The following ABI3BP variants were observed in gnomAD, a reference collection of about 807,000 sequenced individuals.
The protein encoded by ABI3BP is ABI family member 3 binding protein.
ABI3BP carries 216 observed loss-of-function variants against 268.6 expected under a neutral mutation model. That is an observed-to-expected ratio of 0.80 (90% confidence interval 0.72 to 0.90). ABI3BP has a LOEUF of 0.90. Ranked by LOEUF, ABI3BP falls within the 40% of genes least tolerant of loss-of-function variation. ABI3BP has a pLI of 0.00. For synonymous variants in ABI3BP, 730 were observed against 730.0 expected, an observed-to-expected ratio of 1.00 and a Z score of 0.00; for missense variants, 2,090 against 2,182.4, an observed-to-expected ratio of 0.96 and a Z score of 0.84.
At chr3:100,783,740 G>A (rs554871379) in intron 57 of ABI3BP, among the ~76,000 whole-genome samples, 1 of 152,318 alleles carries the variant, frequency 6.6e-6, no homozygotes, top group South Asian at 2.1e-4. Context: ...TACTGTATAA[G>A]TACCTTTGTA....
chr3:100,811,858 G>C, intron 46 of ABI3BP, 59 bp from the exon 47 acceptor site: 1 of 1,167,462 alleles, frequency 8.6e-7, no homozygotes, highest in Non-Finnish European at 1.2e-6. Context: ...CACTGTAATA[G>C]AACCCTGCAT....
At position 100,821,037 on chromosome 3, in the gene ABI3BP, T is replaced by G; in HGVS notation, c.2947+17A>C. On this transcript the variant is annotated intron_variant, in intron 39 of 67. Transcript: ENST00000471714. ...GAGAAGGAAGAACACTTAATGAGGA[T>G]TGCAACGTGCTATTACCTTGTGTTG... The G allele has an allele frequency of 6.5e-7, 1 of 1,532,390 alleles. No homozygotes were observed. The highest frequency in any genetic ancestry group is 2.4e-5 in the East Asian group (1 of 40,864). The allele number at this position is 1,532,390 out of a possible 1,614,324, so 94.9% of individuals were successfully genotyped here. A position where few individuals can be genotyped will look rare whatever the true frequency, so the allele number is the denominator to read the frequency against.
chr3:100,894,962 A>AAAAC (rs2046857253), intron 4 of ABI3BP, among the ~76,000 whole-genome samples: 1 of 144,476 alleles, frequency 6.9e-6, no homozygotes, highest in Admixed American at 7.0e-5. Context: ...AAAAAAAAAA[A>AAAAC]AAAAACAGAA....
chr3:100,820,155 G>T, intron 40 of ABI3BP, 65 bp downstream of exon 40: 2 of 1,349,310 alleles, frequency 1.5e-6, no homozygotes, highest in Non-Finnish European at 2.0e-6. Context: ...TCCCATCATT[G>T]GCATCAGTTA....
chr3:100,943,354 C>T (rs947352698), intron 1 of ABI3BP, among the ~76,000 whole-genome samples: 1 of 152,030 alleles, frequency 6.6e-6, no homozygotes, highest in African/African-American at 2.4e-5. Flanking sequence ...CCCCCAAACA[C>T]TTCAGTATGC....
chr3:100,904,339 T>G (rs918473086), intron 2 of ABI3BP, among the ~76,000 whole-genome samples: 1 of 152,140 alleles, frequency 6.6e-6, no homozygotes, highest in Non-Finnish European at 1.5e-5. Flanking sequence ...ATCTTTGAAC[T>G]TGTGTTTTGC....
At chr3:100,863,775 T>C in intron 12 of ABI3BP, 1 of 494,598 alleles carries the variant, frequency 2.0e-6, no homozygotes, top group Non-Finnish European at 3.6e-6. Context: ...ATATTGATTC[T>C]GAATTAAAAG....
chr3:100,899,618 G>GCA (rs1232460727), intron 3 of ABI3BP, among the ~76,000 whole-genome samples: 1 of 152,112 alleles, frequency 6.6e-6, no homozygotes, highest in Non-Finnish European at 1.5e-5. Context: ...GCAGGCACTT[G>GCA]CACTTTCAAA....
At chr3:100,844,679 A>G (rs80066752) in intron 20 of ABI3BP, among the ~76,000 whole-genome samples, 2,334 of 152,282 alleles carry the variant, frequency 0.015, 97 homozygotes, top group East Asian at 0.15. Context: ...GTTTGCGGAG[A>G]TCCAGTCATC....
At chr3:100,839,923 A>T (rs1268926025) in intron 23 of ABI3BP, 149 bp downstream of exon 23, 1 of 618,594 alleles carries the variant, frequency 1.6e-6, no homozygotes, top group Non-Finnish European at 2.7e-6. Flanking sequence ...TACATATATA[A>T]AATGAATATA....
Position 100,916,342 on chromosome 3 carries a change from G to A in ABI3BP, c.259+9960C>T, listed in dbSNP as rs147737585. 3.0e-4 allele frequency among the ~76,000 whole-genome samples: 45 copies of A among 152,290 alleles called. No individual in the cohort carries two copies. In the East Asian group the frequency reaches 8.3e-3, roughly 28 times the overall value. On this transcript the variant is annotated intron_variant, in intron 2 of 67. Coordinates refer to ENST00000471714, the MANE Select transcript of ABI3BP (RefSeq NM_001375547.2). The stretch of plus-strand genomic sequence containing the variant: ...CAAAGGTTTTTCTTCCTTTTCAAAT[G>A]TTCTTGTCAGCTTTTCCATGTAGGA...
At chr3:100,962,358 C>G (rs1394616695) in intron 1 of ABI3BP, among the ~76,000 whole-genome samples, 1 of 152,308 alleles carries the variant, frequency 6.6e-6, no homozygotes, top group East Asian at 1.9e-4. Context: ...CTTATTCATT[C>G]TCCTTTTTTC....
At chr3:100,945,371 G>A (rs1284928298) in intron 1 of ABI3BP, among the ~76,000 whole-genome samples, 1 of 151,960 alleles carries the variant, frequency 6.6e-6, no homozygotes, top group Non-Finnish European at 1.5e-5. Flanking sequence ...TAAGTATACA[G>A]CTCAATGATT....
In ABI3BP at chr3:100,838,426, G is replaced by C; in HGVS notation, c.1984C>G (p.Pro662Ala). Residue 662 changes from proline (P) to alanine (A), a missense_variant, in exon 25 of 68, where the codon CCA becomes GCA. Physicochemically the swap from Pro to Ala is conservative, Grantham distance 27. Coordinates refer to ENST00000471714, the MANE Select transcript of ABI3BP (RefSeq NM_001375547.2). ...PSERPKTTHRPDAPQIQPGSK... is the reference protein window; with the variant it reads ...PSERPKTTHRADAPQIQPGSK... ...CCAGGCTGAATTTGAGGTGCATCTG[G>C]TCTGTGTGTGGTTTTAGGTCTCTCA... is the stretch of plus-strand genomic sequence containing the variant. The C allele has an allele frequency of 2.0e-6, 3 of 1,535,812 alleles. No homozygotes were observed. The highest frequency in any genetic ancestry group is 2.6e-6 in the Non-Finnish European group (3 of 1,146,706).
chr3:100,851,234 C>A (rs376368180), intron 15 of ABI3BP, among the ~76,000 whole-genome samples: 3 of 152,160 alleles, frequency 2.0e-5, no homozygotes, highest in South Asian at 2.1e-4. Context: ...AAGGAGCTGT[C>A]GGACTGAGGT....
Position 100,749,537 on chromosome 3 carries a change from A to AGAT in ABI3BP, c.*955_*957dup, listed in dbSNP as rs1278693577. The AGAT allele has an allele frequency of 1.8e-5, 7 of 392,960 alleles. No homozygotes were observed. In the East Asian group the frequency reaches 2.5e-4, roughly 14 times the overall value. 24.3% of individuals were successfully genotyped at this position (392,960 alleles called of 1,614,324 possible). On this transcript the variant is annotated 3_prime_UTR_variant, in exon 68 of 68. Transcript: ENST00000471714. Reference sequence around the variant, plus strand: ...ATAGAAATAAATGAGTTAGTTAGTTAGATTTTTATTACAGATTGAATTAAA... The same window carrying AGAT: ...ATAGAAATAAATGAGTTAGTTAGTTAGATGATTTTTATTACAGATTGAATTAAA...
At chr3:100,790,871 G>A (rs538259038) in intron 55 of ABI3BP, among the ~76,000 whole-genome samples, 1 of 151,944 alleles carries the variant, frequency 6.6e-6, no homozygotes, top group South Asian at 2.1e-4. Context: ...TAAGACTTTG[G>A]ACAGGAAAGA....
intron 65 of ABI3BP, among the ~76,000 whole-genome samples, 153 bp downstream of exon 65, chr3:100,753,666 T>C (rs2095460211): frequency 6.6e-6 from 1 of 152,182 alleles, no homozygotes; most frequent in South Asian, 2.1e-4. Flanking sequence ...TCCTCAGTGT[T>C]GTACAATGTG....
intron 2 of ABI3BP, among the ~76,000 whole-genome samples, chr3:100,922,101 T>G (rs1374952559): frequency 6.6e-6 from 1 of 152,240 alleles, no homozygotes; most frequent in Admixed American, 6.5e-5. Context: ...AGTGATGCTT[T>G]TTTTCCATGA....
Sources: gnomAD v4.1 joint callset for allele counts (sites outside exome capture counted in the v4.1 genomes callset) on GRCh38, gnomAD v4.1.1 for gene constraint, MANE v1.5 for transcripts, NCBI Gene and HGNC (gene_info 2026-07-23, HGNC 2026-07-21) for gene names.